The following CLNK variants were observed in gnomAD, a reference collection of about 807,000 sequenced individuals.
CLNK encodes cytokine dependent hematopoietic cell linker, also known as cytokine-dependent hematopoietic cell linker.
In CLNK, 74 loss-of-function variants were observed where a neutral mutation model predicts 68.6. The ratio of observed to expected loss-of-function variants is 1.08; its 90% CI spans 0.89 to 1.31. The LOEUF is 1.31. Among genes scored for constraint, CLNK ranks in the 50% most tolerant of loss-of-function variants. The pLI is 0.00. For missense variants in CLNK, 553 were observed against 515.3 expected (o/e 1.07, Z -0.71); for synonymous variants, 198 against 172.2 (o/e 1.15, Z -1.17).
chr4:10,685,482 A>G (rs1219560436), upstream of CLNK, among the ~76,000 whole-genome samples: 1 of 152,222 alleles, frequency 6.6e-6, no homozygotes, highest in Non-Finnish European at 1.5e-5. Context: ...CAGTTGCTTA[A>G]TACATTTTCT....
intron 2 of CLNK, among the ~76,000 whole-genome samples, chr4:10,607,383 A>G (rs1206351388): frequency 1.3e-5 from 2 of 152,148 alleles, no homozygotes; most frequent in African/African-American, 2.4e-5. Context: ...GCCATAGTAC[A>G]ATCTCTCTCC....
the CLNK span, among the ~76,000 whole-genome samples, chr4:10,690,121 C>T: frequency 6.6e-6 from 1 of 152,178 alleles, no homozygotes; most frequent in South Asian, 2.1e-4. Flanking sequence ...GAAATAACTC[C>T]CTGGTCAACA....
intron 3 of CLNK, among the ~76,000 whole-genome samples, chr4:10,585,755 C>T (rs1247890524): frequency 6.6e-6 from 1 of 152,174 alleles, no homozygotes; most frequent in Non-Finnish European, 1.5e-5. Flanking sequence ...AGTTCACGTC[C>T]AACCTGGGCA....
chr4:10,689,610 C>T (rs1725389959), upstream of CLNK, among the ~76,000 whole-genome samples: 1 of 152,060 alleles, frequency 6.6e-6, no homozygotes, highest in African/African-American at 2.4e-5. Flanking sequence ...TGGAGTAGCA[C>T]CTTGCAACTT....
chr4:10,636,683 C>A lies in CLNK; in HGVS notation c.11+31176G>T, dbSNP rs918677048. ...GCATGGAGACAGCTCTCATACCGTGCACTTGGGAATGTGTCTGGAGCTAGG... is the reference window on the plus strand; with the variant it reads ...GCATGGAGACAGCTCTCATACCGTGAACTTGGGAATGTGTCTGGAGCTAGG... On this transcript the variant is annotated intron_variant, in intron 2 of 18. Coordinates refer to ENST00000226951, the MANE Select transcript of CLNK (RefSeq NM_052964.4). 3.9e-5 allele frequency among the ~76,000 whole-genome samples: 6 copies of A among 152,080 alleles called. 1 individual carries two copies.
chr4:10,499,829 G>A (rs67308128), intron 18 of CLNK, among the ~76,000 whole-genome samples: 18,877 of 152,024 alleles, frequency 0.12, 2,000 homozygotes, highest in African/African-American at 0.28. Context: ...TCACATGGTC[G>A]CCCCTCTGTG....
chr4:10,535,213 G>GAGAAAGAAATAA (rs1718700457), intron 11 of CLNK, among the ~76,000 whole-genome samples: 1 of 131,298 alleles, frequency 7.6e-6, no homozygotes, highest in Non-Finnish European at 1.6e-5. Context: ...AAGAAAGAAA[G>GAGAAAGAAATAA]AGAAAGAAAG....
upstream of CLNK, among the ~76,000 whole-genome samples, chr4:10,688,947 T>A (rs996936900): frequency 6.6e-6 from 1 of 151,964 alleles, no homozygotes; most frequent in Non-Finnish European, 1.5e-5. Flanking sequence ...ATCACCCAGT[T>A]TCCCCCCGAG....
intron 2 of CLNK, among the ~76,000 whole-genome samples, chr4:10,639,487 G>A (rs1164952590): frequency 6.6e-6 from 1 of 152,184 alleles, no homozygotes. Context: ...CCCTATGAGA[G>A]CCTAGTGGGA....
At chr4:10,697,862 T>C in the CLNK span, among the ~76,000 whole-genome samples, 1 of 152,200 alleles carries the variant, frequency 6.6e-6, no homozygotes, top group Admixed American at 6.5e-5. Context: ...ATTGTGAGAA[T>C]AAAACGAGGC....
At chr4:10,709,786 C>G in the CLNK span, among the ~76,000 whole-genome samples, 11 of 152,124 alleles carry the variant, frequency 7.2e-5, no homozygotes, top group African/African-American at 2.7e-4. Flanking sequence ...CACCAACAGG[C>G]TAGACTGCTG....
At chr4:10,634,826 T>C (rs1463967896) in intron 2 of CLNK, among the ~76,000 whole-genome samples, 2 of 6,790 alleles carry the variant, frequency 2.9e-4, no homozygotes, top group Admixed American at 2.0e-3. Flanking sequence ...AGAATATCAT[T>C]GCTGGAAAAA....
At chr4:10,664,883 G>T (rs1354229245) in intron 2 of CLNK, among the ~76,000 whole-genome samples, 1 of 152,202 alleles carries the variant, frequency 6.6e-6, no homozygotes, top group Non-Finnish European at 1.5e-5. Flanking sequence ...ATGTGTAAGC[G>T]TACTGATGGA....
chr4:10,546,872 G>C (rs535277385), intron 8 of CLNK, among the ~76,000 whole-genome samples: 1 of 152,274 alleles, frequency 6.6e-6, no homozygotes, highest in Admixed American at 6.5e-5. Flanking sequence ...TGCATCTGGT[G>C]AGAGCCTTCT....
chr4:10,592,941 G>A (rs775249309), intron 3 of CLNK, among the ~76,000 whole-genome samples: 7 of 152,066 alleles, frequency 4.6e-5, no homozygotes, highest in Non-Finnish European at 1.0e-4. Context: ...TGGCCAGGCT[G>A]GTCTGGAACT....
At chr4:10,547,848 T>A (rs573642453) in intron 8 of CLNK, among the ~76,000 whole-genome samples, 2 of 152,266 alleles carry the variant, frequency 1.3e-5, no homozygotes, top group East Asian at 3.9e-4. Context: ...TGAAAAATAC[T>A]CCATTGTGTG....
chr4:10,614,140 T>C (rs1011356237), intron 2 of CLNK, among the ~76,000 whole-genome samples: 1 of 152,188 alleles, frequency 6.6e-6, no homozygotes, highest in Non-Finnish European at 1.5e-5. Context: ...CAAACTCCAG[T>C]AAATGTAGTG....
chr4:10,490,320 G>A lies in CLNK; in HGVS notation c.*147C>T, dbSNP rs779220495. 11 of 652,808 alleles carry A rather than the reference G, an allele frequency of 1.7e-5. No homozygotes were observed. The East Asian group carries it at 3.2e-4, about 19-fold the overall frequency. The allele number at this position is 652,808 out of a possible 1,614,324, so 40.4% of individuals were successfully genotyped here. A position where few individuals can be genotyped will look rare whatever the true frequency, so the allele number is the denominator to read the frequency against. ...GGTTTGAACTTTCAAAACCGTGAGT[G>A]ATTTTCCACTCTCTGTTATAGAGTG... On this transcript the variant is annotated 3_prime_UTR_variant, in exon 19 of 19. Coordinates refer to ENST00000226951, the MANE Select transcript of CLNK (RefSeq NM_052964.4).
In CLNK at chr4:10,647,784, C is replaced by G. The variant is rs772974184; in HGVS notation, c.11+20075G>C. On this transcript the variant is annotated intron_variant, in intron 2 of 18. Coordinates refer to ENST00000226951, the MANE Select transcript of CLNK (RefSeq NM_052964.4). ...AAAAAAAATGTTTCACTTGTTCATT[C>G]AGCTGACCCATGAAAGACACTATTG... Among the ~76,000 whole-genome samples the G allele has an allele frequency of 7.2e-5, 11 of 152,266 alleles. 1 individual carries two copies. In the South Asian group the frequency reaches 1.4e-3, roughly 20 times the overall value.
Sources: gnomAD v4.1 joint callset for allele counts (sites outside exome capture counted in the v4.1 genomes callset) on GRCh38, gnomAD v4.1.1 for gene constraint, MANE v1.5 for transcripts, NCBI Gene and HGNC (gene_info 2026-07-23, HGNC 2026-07-21) for gene names.